Variants in TMEM132D observed in about 807,000 individuals in gnomAD.
The protein encoded by TMEM132D is transmembrane protein 132D, also known as mature OL transmembrane protein.
In TMEM132D, 21 loss-of-function variants were observed where a neutral mutation model predicts 62.3. The ratio of observed to expected loss-of-function variants is 0.34; its 90% CI spans 0.24 to 0.49. The LOEUF is 0.49. TMEM132D is among the 20% of genes least tolerant of loss of function. The pLI is 0.99. For synonymous variants in TMEM132D, 621 were observed against 575.6 expected, an observed-to-expected ratio of 1.08 and a Z score of -1.13; for missense variants, 1,346 against 1,402.8, an observed-to-expected ratio of 0.96 and a Z score of 0.65.
chr12:129,314,885 C>G (rs529160345), intron 4 of TMEM132D, among the ~76,000 whole-genome samples: 1 of 149,680 alleles, frequency 6.7e-6, no homozygotes, highest in Non-Finnish European at 1.5e-5. Context: ...ATTTATTTAT[C>G]TATCTATTTA....
At chr12:129,313,129 G>T (rs2135636903) in intron 4 of TMEM132D, among the ~76,000 whole-genome samples, 1 of 152,162 alleles carries the variant, frequency 6.6e-6, no homozygotes, top group Middle Eastern at 3.4e-3. Context: ...TGAACCTGGG[G>T]TTCAAGGAAG....
At position 129,569,511 on chromosome 12, in the gene TMEM132D, A is replaced by G. The variant is rs145596638; in HGVS notation, c.969-38306T>C. On this transcript the variant is annotated intron_variant, in intron 2 of 8. Coordinates refer to ENST00000422113, the MANE Select transcript of TMEM132D (RefSeq NM_133448.3). ...ACATGCTAGACTCAGTATGAAGTAC[A>G]TGGTATAGAGAGGCAAAGGCAAATA... Among the ~76,000 whole-genome samples the G allele has an allele frequency of 4.8e-3, 735 of 152,316 alleles. 14 individuals carry two copies. In the South Asian group the frequency reaches 0.056, roughly 12 times the overall value.
rs970268996 is a variant in TMEM132D, at chr12:129,198,576, C to T, written c.1443+10944G>A. Among the ~76,000 whole-genome samples, 23 of 152,304 alleles carry T rather than the reference C, an allele frequency of 1.5e-4. No individual in the cohort carries two copies. The South Asian group carries it at 3.1e-3, about 21-fold the overall frequency. On this transcript the variant is annotated intron_variant, in intron 5 of 8. Coordinates refer to ENST00000422113, the MANE Select transcript of TMEM132D (RefSeq NM_133448.3). ...ACAAGGCCCAGAAAGACAAATACTG[C>T]ATGTTCTCATTTGTGGAATTTAAAC...
intron 4 of TMEM132D, among the ~76,000 whole-genome samples, 193 bp downstream of exon 4, chr12:129,337,441 G>GCA (rs34583805): frequency 0.15 from 21,750 of 148,120 alleles, 1,636 homozygotes; most frequent in East Asian, 0.24. Context: ...ATACACACAC[G>GCA]CACACACACA....
chr12:129,787,836 CG>C (rs1871284666), intron 1 of TMEM132D, among the ~76,000 whole-genome samples: 2 of 152,128 alleles, frequency 1.3e-5, no homozygotes, highest in Admixed American at 1.3e-4. Flanking sequence ...ACTGGGTTTG[CG>C]GAGCAATACA....
intron 4 of TMEM132D, among the ~76,000 whole-genome samples, chr12:129,212,930 G>C (rs1335571321): frequency 6.6e-6 from 1 of 152,164 alleles, no homozygotes; most frequent in Non-Finnish European, 1.5e-5. Flanking sequence ...CCCCTGTCTT[G>C]CTAGAGAAAT....
At chr12:129,142,416 C>T (rs1175550859) in intron 5 of TMEM132D, among the ~76,000 whole-genome samples, 1 of 152,142 alleles carries the variant, frequency 6.6e-6, no homozygotes, top group African/African-American at 2.4e-5. Context: ...TATATGCACC[C>T]TTGTCATCTA....
intron 4 of TMEM132D, among the ~76,000 whole-genome samples, chr12:129,224,919 C>T (rs998812193): frequency 6.6e-6 from 1 of 152,096 alleles, no homozygotes; most frequent in Non-Finnish European, 1.5e-5. Context: ...GCTACATCTT[C>T]CTTGATCTCC....
intron 1 of TMEM132D, among the ~76,000 whole-genome samples, chr12:129,874,331 A>T (rs932257785): frequency 2.0e-5 from 3 of 152,062 alleles, no homozygotes; most frequent in African/African-American, 7.2e-5. Context: ...AATCACTTGA[A>T]CCTGGGAGGC....
chr12:129,407,691 G>A (rs1274850341), intron 3 of TMEM132D, among the ~76,000 whole-genome samples: 1 of 151,906 alleles, frequency 6.6e-6, no homozygotes, highest in African/African-American at 2.4e-5. Context: ...CGGATCATGA[G>A]GTCAGGAGAT....
At chr12:129,647,807 G>A (rs1879826574) in intron 2 of TMEM132D, among the ~76,000 whole-genome samples, 1 of 151,826 alleles carries the variant, frequency 6.6e-6, no homozygotes, top group African/African-American at 2.4e-5. Flanking sequence ...AAGCATCCTG[G>A]GTAATAATTT....
At chr12:129,513,728 G>A (rs1036425309) in intron 3 of TMEM132D, among the ~76,000 whole-genome samples, 62 of 151,524 alleles carry the variant, frequency 4.1e-4, no homozygotes, top group South Asian at 4.0e-3. Context: ...CTCATGATCC[G>A]CCCGTCTCAG....
At chr12:129,462,610 TG>T (rs1273277510) in intron 3 of TMEM132D, among the ~76,000 whole-genome samples, 4 of 152,176 alleles carry the variant, frequency 2.6e-5, no homozygotes, top group Admixed American at 2.6e-4. Context: ...CTGACTATTG[TG>T]GGGGGAGAAG....
chr12:129,606,669 G>A (rs1015754700), intron 2 of TMEM132D, among the ~76,000 whole-genome samples: 1 of 152,112 alleles, frequency 6.6e-6, no homozygotes, highest in Non-Finnish European at 1.5e-5. Context: ...AGGATAGGGA[G>A]AACTCAGAAC....
At chr12:129,707,493 G>T (rs1275428901) in intron 1 of TMEM132D, among the ~76,000 whole-genome samples, 1 of 152,006 alleles carries the variant, frequency 6.6e-6, no homozygotes, top group East Asian at 1.9e-4. Context: ...GCATAGAGGG[G>T]CTGTCTGGTA....
At chr12:129,628,016 G>T (rs987221687) in intron 2 of TMEM132D, among the ~76,000 whole-genome samples, 8 of 152,140 alleles carry the variant, frequency 5.3e-5, no homozygotes. Flanking sequence ...TCACACAAAA[G>T]ATTTCCGATA....
intron 1 of TMEM132D, among the ~76,000 whole-genome samples, chr12:129,826,362 T>C (rs1872665146): frequency 1.3e-5 from 2 of 152,126 alleles, no homozygotes; most frequent in Admixed American, 6.5e-5. Context: ...TTTTGTTTGA[T>C]ACAGCATGAC....
In TMEM132D at chr12:129,074,286, G is replaced by T. The variant is rs765624205; in HGVS notation, c.2889C>A (p.Asp963Glu). 6.2e-7 allele frequency: 1 copy of T among 1,614,110 alleles called. No individual in the cohort carries two copies. Among genetic ancestry groups the T allele is most frequent in the South Asian group, 1.1e-5 (1 of 91,070 alleles). Residue 963 changes from aspartate (D) to glutamate (E), a missense_variant, in exon 9 of 9, where the codon GAC (aspartate) becomes GAA (glutamate). Asp to Glu is a conservative substitution (Grantham distance 45). Transcript: ENST00000422113. ...CTGTCCGGTTGCTTAACCCAACCCAGTCATGAGAGTGACTCATCCCTTCCT... is the reference window on the plus strand; with the variant it reads ...CTGTCCGGTTGCTTAACCCAACCCATTCATGAGAGTGACTCATCCCTTCCT... ...EEQEGMSHSH[D>E]WVGLSNRTEL...
chr12:129,468,130 T>C (rs961248848), intron 3 of TMEM132D, among the ~76,000 whole-genome samples: 1 of 152,110 alleles, frequency 6.6e-6, no homozygotes, highest in Non-Finnish European at 1.5e-5. Flanking sequence ...TGGCATTTAG[T>C]AGATAAAGCA....
Sources: allele counts gnomAD v4.1 joint callset (sites outside exome capture counted in the v4.1 genomes callset), GRCh38; gene constraint gnomAD v4.1.1; transcripts MANE v1.5; gene names NCBI Gene and HGNC (gene_info 2026-07-23, HGNC 2026-07-21).